The following SLC9A9 variants were observed in gnomAD, a reference collection of about 807,000 sequenced individuals.
SLC9A9 encodes the protein solute carrier family 9 member A9, also known as sodium/hydrogen exchanger 9.
In SLC9A9, 62 loss-of-function variants were observed where a neutral mutation model predicts 77.8. That is an observed-to-expected ratio of 0.80 (90% CI 0.65 to 0.98). The LOEUF is 0.98. SLC9A9 is among the 50% of genes least tolerant of loss of function. The pLI is 0.00. For synonymous variants in SLC9A9, 320 were observed against 283.5 expected (o/e 1.13, Z -1.29); for missense variants, 775 against 774.9 (o/e 1.00, Z 0.00).
At chr3:143,707,369 TACACACACACAC>T (rs67386185) in intron 4 of SLC9A9, among the ~76,000 whole-genome samples, 5 of 149,126 alleles carry the variant, frequency 3.4e-5, no homozygotes, top group African/African-American at 9.9e-5. Context: ...TTTTAAAATC[TACACACACACAC>T]ACACACACAC....
chr3:143,805,919 C>T (rs540781448), intron 2 of SLC9A9, among the ~76,000 whole-genome samples: 12 of 152,184 alleles, frequency 7.9e-5, no homozygotes, highest in East Asian at 1.9e-4. Context: ...CACAGAGACT[C>T]GAGTGAAAGA....
At chr3:143,286,045 T>C (rs1559852540) in intron 14 of SLC9A9, among the ~76,000 whole-genome samples, 3 of 152,148 alleles carry the variant, frequency 2.0e-5, no homozygotes, top group Admixed American at 1.3e-4. Flanking sequence ...GTTAGTAATA[T>C]GCCCAGAGCT....
chr3:143,657,385 C>T (rs886956131), intron 5 of SLC9A9, among the ~76,000 whole-genome samples: 4 of 152,138 alleles, frequency 2.6e-5, no homozygotes, highest in Non-Finnish European at 5.9e-5. Flanking sequence ...ATATGATATG[C>T]ATGCACACAC....
chr3:143,506,388 A>T (rs568553444), intron 9 of SLC9A9, among the ~76,000 whole-genome samples: 1 of 152,326 alleles, frequency 6.6e-6, no homozygotes, highest in Non-Finnish European at 1.5e-5. Context: ...ACTGTTAGAA[A>T]TCCTTCCTTA....
At chr3:143,831,961 A>G (rs2009446205) in intron 2 of SLC9A9, 58 bp downstream of exon 2, 1 of 1,481,324 alleles carries the variant, frequency 6.8e-7, no homozygotes, top group East Asian at 2.4e-5. Context: ...AAAGGCTCAA[A>G]TATGATACAA....
chr3:143,730,202 C>T (rs1224916224), intron 4 of SLC9A9, among the ~76,000 whole-genome samples: 1 of 152,112 alleles, frequency 6.6e-6, no homozygotes, highest in Admixed American at 6.5e-5. Flanking sequence ...TGTTGGGCCC[C>T]TTTGAAAGCG....
At chr3:143,720,143 A>G (rs1232284906) in intron 4 of SLC9A9, among the ~76,000 whole-genome samples, 2 of 151,244 alleles carry the variant, frequency 1.3e-5, no homozygotes, top group Non-Finnish European at 2.9e-5. Context: ...ATGAGATATT[A>G]CATCTCACAT....
intron 2 of SLC9A9, among the ~76,000 whole-genome samples, chr3:143,797,484 T>C (rs2008417627): frequency 6.6e-6 from 1 of 152,170 alleles, no homozygotes; most frequent in African/African-American, 2.4e-5. Context: ...TCATATCCCC[T>C]GTGACCTGCA....
intron 12 of SLC9A9, among the ~76,000 whole-genome samples, chr3:143,397,255 G>A (rs1490891212): frequency 6.6e-6 from 1 of 152,232 alleles, no homozygotes; most frequent in Non-Finnish European, 1.5e-5. Flanking sequence ...CACTCTGGGT[G>A]CCCTGCCTGG....
chr3:143,291,675 T>C (rs577872730), intron 14 of SLC9A9, among the ~76,000 whole-genome samples: 3 of 152,288 alleles, frequency 2.0e-5, no homozygotes, highest in Non-Finnish European at 2.9e-5. Context: ...TAAATCCAGC[T>C]CCCATGGACC....
At chr3:143,529,910 A>AAT (rs775885277) in intron 9 of SLC9A9, among the ~76,000 whole-genome samples, 41 of 152,194 alleles carry the variant, frequency 2.7e-4, no homozygotes, top group Non-Finnish European at 5.0e-4. Context: ...AGATGAGCAG[A>AAT]ACAGAAGCCA....
intron 2 of SLC9A9, chr3:143,811,857 G>T: frequency 1.7e-5 from 5 of 286,804 alleles, no homozygotes; most frequent in South Asian, 2.8e-5. Flanking sequence ...GAGAGATCTT[G>T]TCTAAAAAGA....
chr3:143,699,048 A>T (rs947718978), intron 4 of SLC9A9, among the ~76,000 whole-genome samples: 2 of 152,160 alleles, frequency 1.3e-5, no homozygotes, highest in Non-Finnish European at 2.9e-5. Context: ...TTTCAATTTC[A>T]CATTTTCTTT....
At chr3:143,329,717 C>T (rs1559870309) in intron 14 of SLC9A9, among the ~76,000 whole-genome samples, 2 of 152,128 alleles carry the variant, frequency 1.3e-5, no homozygotes. Flanking sequence ...GCAGTTCCTC[C>T]TTTTGGAGGC....
intron 9 of SLC9A9, among the ~76,000 whole-genome samples, chr3:143,550,937 G>A (rs2036870550): frequency 1.3e-5 from 2 of 152,198 alleles, no homozygotes; most frequent in Non-Finnish European, 2.9e-5. Flanking sequence ...AAATTCATAT[G>A]TTGAAGTCCT....
intron 9 of SLC9A9, among the ~76,000 whole-genome samples, chr3:143,506,435 TCTC>T (rs2036019059): frequency 1.3e-5 from 2 of 152,150 alleles, no homozygotes; most frequent in Admixed American, 1.3e-4. Context: ...TTCAACCACT[TCTC>T]CTATTTCTTT....
intron 9 of SLC9A9, among the ~76,000 whole-genome samples, chr3:143,504,546 G>A (rs1189256463): frequency 6.6e-6 from 1 of 152,082 alleles, no homozygotes; most frequent in East Asian, 1.9e-4. Flanking sequence ...CTATAAAGTT[G>A]AAGATTTACA....
At chr3:143,510,825 G>T (rs1046658885) in intron 9 of SLC9A9, among the ~76,000 whole-genome samples, 1 of 152,150 alleles carries the variant, frequency 6.6e-6, no homozygotes, top group African/African-American at 2.4e-5. Flanking sequence ...GGCAAGGTGT[G>T]TGGGGAAAGG....
At chr3:143,658,136 G>A (rs1352156204) in intron 5 of SLC9A9, among the ~76,000 whole-genome samples, 3 of 152,048 alleles carry the variant, frequency 2.0e-5, no homozygotes, top group Admixed American at 6.6e-5. Flanking sequence ...CAAAGTGCTG[G>A]GATTACAGCA....
Sources: allele counts gnomAD v4.1 joint callset (sites outside exome capture counted in the v4.1 genomes callset), GRCh38; gene constraint gnomAD v4.1.1; transcripts MANE v1.5; gene names NCBI Gene and HGNC (gene_info 2026-07-23, HGNC 2026-07-21).